Variants in YWHAZ observed in about 807,000 individuals in gnomAD.
YWHAZ encodes the protein tyrosine 3-monooxygenase/tryptophan 5-monooxygenase activation protein zeta.
For synonymous variants in YWHAZ, 87 were observed against 103.6 expected (o/e 0.84, Z 0.97); for missense variants, 79 against 284.8 (o/e 0.28, Z 5.20).
intron 2 of YWHAZ, among the ~76,000 whole-genome samples, chr8:100,944,972 C>T (rs1199926649): frequency 6.6e-6 from 1 of 152,140 alleles, no homozygotes; most frequent in Non-Finnish European, 1.5e-5. Context: ...ACTGTATTTC[C>T]TTGGTATTCA....
rs532603079 is a variant in YWHAZ at position 100,944,933 on chromosome 8, C to A, written c.294+3663G>T. Among the ~76,000 whole-genome samples the A allele has an allele frequency of 1.6e-4, 24 of 152,312 alleles. No individual in the cohort carries two copies. In the South Asian group the frequency reaches 4.8e-3, roughly 30 times the overall value. On this transcript the variant is annotated intron_variant, in intron 2 of 5. Transcript: ENST00000395958. ...GAGCTCCATTATTCACCTCGACATA[C>A]TTCTTTGAGTTTGAAAGAGGCTTCC...
rs1554611373 is a variant in YWHAZ at position 100,918,408 on chromosome 8, T to TTATTTATATATATATATA, written c.*2284_*2285insTATATATATATATAAATA. On this transcript the variant is annotated 3_prime_UTR_variant, in exon 6 of 6. Coordinates refer to ENST00000395958, the MANE Select transcript of YWHAZ (RefSeq NM_145690.3). ...AGTCTAGCTATAAAATATAATTACT[T>TTATTTATATATATATATA]TATATATATATATATATATATATAT... 1 of 41,888 alleles carries TTATTTATATATATATATA rather than the reference T, an allele frequency of 2.4e-5. No individual in the cohort carries two copies. The highest frequency in any genetic ancestry group is 7.1e-5 in the African/African-American group (1 of 14,120). The allele number at this position is 41,888 out of a possible 1,614,324, so 2.6% of individuals were successfully genotyped here. A position where few individuals can be genotyped will look rare whatever the true frequency, so the allele number is the denominator to read the frequency against.
intron 2 of YWHAZ, among the ~76,000 whole-genome samples, chr8:100,944,915 A>G (rs954266414): frequency 3.9e-5 from 6 of 152,190 alleles, no homozygotes; most frequent in African/African-American, 1.4e-4. Context: ...CTTGAGCTCC[A>G]TTATTCACCT....
At chr8:100,952,187 C>T (rs781602999), upstream of YWHAZ, 1 of 983,500 alleles carries the variant, frequency 1.0e-6, no homozygotes, top group Non-Finnish European at 1.2e-6. Flanking sequence ...CCGCCGCTCC[C>T]CGGCGCTCGT....
In YWHAZ at chr8:100,921,312, A is replaced by G. The variant is rs116186147; in HGVS notation, c.679-560T>C. 5.2e-3 allele frequency among the ~76,000 whole-genome samples: 787 copies of G among 152,314 alleles called. 9 individuals carry two copies. Among genetic ancestry groups the G allele is most frequent in the African/African-American group, 0.017 (717 of 41,558 alleles). On this transcript the variant is annotated intron_variant, in intron 5 of 5. Coordinates refer to ENST00000395958, the MANE Select transcript of YWHAZ (RefSeq NM_145690.3). ...CCAAAGTGGTGAGATTACAGGTGTG[A>G]GCCACTGTGCCCAGGCCCTAAATTA...
At chr8:100,934,560 G>A (rs1271904885) in intron 2 of YWHAZ, among the ~76,000 whole-genome samples, 3 of 151,878 alleles carry the variant, frequency 2.0e-5, no homozygotes, top group Admixed American at 2.0e-4. Flanking sequence ...AATTAGCTGG[G>A]TGTGGTGGCA....
intron 2 of YWHAZ, among the ~76,000 whole-genome samples, chr8:100,933,456 G>C (rs1813900427): frequency 6.6e-6 from 1 of 151,900 alleles, no homozygotes; most frequent in Admixed American, 6.6e-5. Flanking sequence ...TTTAACAACT[G>C]ATTTAAAGTA....
At chr8:100,946,068 G>C (rs1344245040) in intron 2 of YWHAZ, among the ~76,000 whole-genome samples, 1 of 152,006 alleles carries the variant, frequency 6.6e-6, no homozygotes, top group Non-Finnish European at 1.5e-5. Flanking sequence ...AAACTTTTTG[G>C]GAAGCCAGTG....
In YWHAZ at chr8:100,948,062, G is replaced by A. The variant is rs1372234805; in HGVS notation, c.294+534C>T. 2 of 1,524,060 alleles carry A rather than the reference G, an allele frequency of 1.3e-6. No homozygotes were observed. The highest frequency in any genetic ancestry group is 1.8e-6 in the Non-Finnish European group (2 of 1,138,748). The allele number at this position is 1,524,060 out of a possible 1,614,324, so 94.4% of individuals were successfully genotyped here. ...TCATAACCTTTCATCATGGTTGTGA[G>A]TGTTCAAAATTTACCTTCAAGAATT... On this transcript the variant is annotated intron_variant, in intron 2 of 5. Transcript: ENST00000395958. This position sits in a 1 kb window ranked among gnomAD's most constrained non-coding sequence, Gnocchi z 4.2.
At chr8:100,941,868 C>T (rs531406735) in intron 2 of YWHAZ, among the ~76,000 whole-genome samples, 2 of 151,020 alleles carry the variant, frequency 1.3e-5, no homozygotes, top group Non-Finnish European at 3.0e-5. Flanking sequence ...AAATAAAATA[C>T]TAATACAACA....
intron 1 of YWHAZ, chr8:100,951,426 G>GCCGAGGGAGAGGGGAGGGGGCGT: frequency 1.0e-6 from 1 of 981,062 alleles, no homozygotes; most frequent in Non-Finnish European, 1.2e-6. Context: ...GGAGGGGGCG[G>GCCGAGGGAGAGGGGAGGGGGCGT]CCGAGGGAGA....
At chr8:100,950,657 T>C in intron 1 of YWHAZ, 1 of 716,676 alleles carries the variant, frequency 1.4e-6, no homozygotes, top group Non-Finnish European at 1.6e-6. Context: ...GCCCAAGCCG[T>C]GGGGGGGGGG....
chr8:100,929,651 C>T (rs1813623496), intron 2 of YWHAZ, among the ~76,000 whole-genome samples: 1 of 152,126 alleles, frequency 6.6e-6, no homozygotes, highest in Non-Finnish European at 1.5e-5. Flanking sequence ...TACACGTGGT[C>T]TTTTTCAATT....
chr8:100,929,454 C>T (rs1407181533), intron 2 of YWHAZ, among the ~76,000 whole-genome samples: 1 of 152,224 alleles, frequency 6.6e-6, no homozygotes, highest in African/African-American at 2.4e-5. Flanking sequence ...CCTGCCTCAG[C>T]CTCCCAAAGT....
At chr8:100,937,804 T>A (rs1664450031) in intron 2 of YWHAZ, among the ~76,000 whole-genome samples, 1 of 152,172 alleles carries the variant, frequency 6.6e-6, no homozygotes, top group African/African-American at 2.4e-5. Flanking sequence ...TCAAAAGTGA[T>A]TCTCAGTAAG....
chr8:100,951,858 G>A (rs1318285778), intron 1 of YWHAZ, 71 bp downstream of exon 1: 3 of 987,820 alleles, frequency 3.0e-6, no homozygotes, highest in African/African-American at 3.5e-5. Flanking sequence ...ACGGAGCGAG[G>A]ACGGCTCCCA....
chr8:100,951,406 G>A (rs569068953), intron 1 of YWHAZ: 122 of 982,518 alleles, frequency 1.2e-4, no homozygotes, highest in African/African-American at 2.4e-4. Context: ...CTGCGCGAGG[G>A]GGAGGGAAAG....
chr8:100,933,653 TGTGTA>T (rs1813917495), intron 2 of YWHAZ, among the ~76,000 whole-genome samples: 1 of 152,184 alleles, frequency 6.6e-6, no homozygotes, highest in South Asian at 2.1e-4. Flanking sequence ...GTACAGATAG[TGTGTA>T]GTGTAGAGCT....
In YWHAZ at chr8:100,924,330, A is replaced by C. The variant is rs753978138; in HGVS notation, c.419-32T>G. ...AAGACACACCAAAACGTACTGAGAT[A>C]AAGTGTGCATTATATCTTCACCCCT... is the stretch of plus-strand genomic sequence containing the variant. On this transcript the variant is annotated intron_variant, in intron 3 of 5. Coordinates refer to ENST00000395958, the MANE Select transcript of YWHAZ (RefSeq NM_145690.3). This position sits in a 1 kb window ranked among gnomAD's most constrained non-coding sequence, Gnocchi z 5.7. 1 of 1,596,916 alleles carries C rather than the reference A, an allele frequency of 6.3e-7. No homozygotes were observed. The highest frequency in any genetic ancestry group is 1.7e-5 in the Admixed American group (1 of 57,504).
Sources: gnomAD v4.1 joint callset for allele counts (sites outside exome capture counted in the v4.1 genomes callset) on GRCh38, gnomAD v4.1.1 for gene constraint, Gnocchi (gnomAD v3.1) non-coding constraint, MANE v1.5 for transcripts, NCBI Gene and HGNC (gene_info 2026-07-23, HGNC 2026-07-21) for gene names.